The following ZNF846 variants were observed in gnomAD, a reference collection of about 807,000 sequenced individuals.
The protein encoded by ZNF846 is zinc finger protein 420 pseudogene.
ZNF846 carries 15 observed loss-of-function variants against 16.0 expected under a neutral mutation model. The observed-to-expected ratio is 0.94, with a 90% CI of 0.63 to 1.45. ZNF846 has a LOEUF of 1.45. Among genes scored for constraint, ZNF846 ranks in the 40% most tolerant of loss-of-function variants. ZNF846 has a pLI of 0.00. For missense variants in ZNF846, 714 were observed against 622.3 expected, an observed-to-expected ratio of 1.15 and a Z score of -1.57; for synonymous variants, 229 against 212.0, an observed-to-expected ratio of 1.08 and a Z score of -0.70.
At chr19:9,769,115 C>A (rs1463061180), upstream of ZNF846, among the ~76,000 whole-genome samples, 1 of 152,152 alleles carries the variant, frequency 6.6e-6, no homozygotes, top group Non-Finnish European at 1.5e-5. Context: ...GATAAGGCTC[C>A]GGTCTGTCGC....
At chr19:9,770,884 A>T (rs947064178), upstream of ZNF846, among the ~76,000 whole-genome samples, 1 of 152,156 alleles carries the variant, frequency 6.6e-6, no homozygotes, top group Non-Finnish European at 1.5e-5. Flanking sequence ...TAAAAAATAA[A>T]AAATAAATCC....
At chr19:9,768,363 T>A (rs2045351088) in exon 1 of ZNF846, 1 of 152,226 alleles carries the variant, frequency 6.6e-6, no homozygotes, top group South Asian at 2.1e-4. Flanking sequence ...GAGATGCTTT[T>A]CCTTCTGGAG....
downstream of ZNF846, among the ~76,000 whole-genome samples, chr19:9,753,325 C>T (rs2045103765): frequency 6.6e-6 from 1 of 150,864 alleles, no homozygotes; most frequent in African/African-American, 2.5e-5. Context: ...GATCTTGGCT[C>T]ACTGCAAGCT....
At chr19:9,764,871 A>G in intron 2 of ZNF846, 65 bp downstream of exon 2, 2 of 1,581,644 alleles carry the variant, frequency 1.3e-6, no homozygotes, top group Non-Finnish European at 1.7e-6. Flanking sequence ...ACACGATAAC[A>G]AGGTAAGGCT....
chr19:9,758,325 TCTCCA>T lies in ZNF846; in HGVS notation c.747_751del (p.Ser249ArgfsTer7). The T allele has an allele frequency of 6.2e-7, 1 of 1,613,610 alleles. No homozygotes were observed. The highest frequency in any genetic ancestry group is 2.2e-5 in the East Asian group (1 of 44,854). On this transcript the variant is annotated frameshift_variant, in exon 6 of 6. Coordinates refer to ENST00000397902, the Ensembl canonical transcript of ZNF846. LOFTEE classifies it low-confidence loss of function (END_TRUNC). The stretch of plus-strand genomic sequence containing the variant: ...ACATTCTTTACAGACATAGGGCTTC[TCTCCA>T]CTGTGAATTCTTCCATGTCCTATAA...
chr19:9,752,366 G>C, exon 6 of ZNF846: 1 of 291,812 alleles, frequency 3.4e-6, no homozygotes, highest in South Asian at 2.8e-5. Flanking sequence ...CCAGCACTTT[G>C]GGAGGCCAAG....
chr19:9,767,462 T>A (rs1271994846), intron 1 of ZNF846, among the ~76,000 whole-genome samples: 3 of 152,012 alleles, frequency 2.0e-5, no homozygotes, highest in Non-Finnish European at 4.4e-5. Flanking sequence ...ACACAAGAGA[T>A]GCAAAGAAAC....
chr19:9,751,380 A>G (rs1322579394), downstream of ZNF846, among the ~76,000 whole-genome samples: 1 of 152,048 alleles, frequency 6.6e-6, no homozygotes. Flanking sequence ...TTCTTATTTT[A>G]TTTATTATTT....
At position 9,783,544 on chromosome 19, in the gene ZNF846, A is replaced by AATATATATATATAT. The variant is rs1555714919; in HGVS notation, c.-86+2380_-86+2393dup. 2.3e-4 allele frequency among the ~76,000 whole-genome samples: 25 copies of AATATATATATATAT among 108,774 alleles called. 1 individual carries two copies. The highest frequency in any genetic ancestry group is 4.2e-4 in the Admixed American group (4 of 9,524). The allele number at this position is 108,774 out of a possible 152,430, so 71.4% of individuals were successfully genotyped here. On this transcript the variant is annotated intron_variant, in intron 1 of 4. Coordinates refer to the ZNF846 transcript ENST00000586814. ...TCATCACTAAAAAAAAAAAAAAAAAAATATATATATATATATATATATTCT... is the reference window on the plus strand; with the variant it reads ...TCATCACTAAAAAAAAAAAAAAAAAAATATATATATATATATATATATATATATATATATATTCT...
exon 6 of ZNF846, chr19:9,758,207 G>A: frequency 6.2e-7 from 1 of 1,613,006 alleles, no homozygotes. Context: ...AATGGGTGAA[G>A]GCTTTCCCAC....
At chr19:9,753,230 T>TTATA (rs1272045143), downstream of ZNF846, among the ~76,000 whole-genome samples, 6 of 112,478 alleles carry the variant, frequency 5.3e-5, no homozygotes, top group South Asian at 1.2e-3. Context: ...ATTTATTTAT[T>TTATA]TATTTATTTA....
chr19:9,754,604 A>T (rs1006496942), downstream of ZNF846, among the ~76,000 whole-genome samples: 2 of 149,428 alleles, frequency 1.3e-5, no homozygotes, highest in African/African-American at 5.0e-5. Context: ...GGCAACATAC[A>T]GTTGGATTGT....
chr19:9,765,030 A>C lies in ZNF846; in HGVS notation c.-80T>G, dbSNP rs1016385779. The C allele has an allele frequency of 2.0e-6, 3 of 1,529,078 alleles. No homozygotes were observed. 94.7% of individuals were successfully genotyped at this position (1,529,078 alleles called of 1,614,324 possible). ...TGAAGACAGAAAGTGTCCTGGAAAA[A>C]ATGACCTTTGGAAAAGAATAATGGC... On this transcript the variant is annotated 5_prime_UTR_variant, in exon 2 of 6. It adds an upstream start codon to the 5' untranslated region. Transcript: ENST00000397902.
At chr19:9,758,319 G>T (rs2045166679) in exon 6 of ZNF846, 3 of 1,612,008 alleles carry the variant, frequency 1.9e-6, no homozygotes, top group Admixed American at 1.7e-5. Context: ...ACAGACATAG[G>T]GCTTCTCTCC....
At chr19:9,756,896 T>C (rs1052076746), downstream of ZNF846, 1 of 145,682 alleles carries the variant, frequency 6.9e-6, no homozygotes. Flanking sequence ...TAATTTTTGT[T>C]ATGAAAAATA....
rs188097997 is a variant in ZNF846 at position 9,758,242 on chromosome 19, C to T, written c.835G>A (p.Glu279Lys). The T allele has an allele frequency of 5.5e-4, 892 of 1,613,342 alleles. 47 individuals carry two copies. In the African/African-American group the frequency reaches 0.011, roughly 20 times the overall value. ...CACTCTTTACATTTATATGGTTTTT[C>T]TCCACTGTGAGTTCTGATGTGTAAT... Residue 279 changes from glutamate to lysine, a missense_variant, in exon 6 of 6, where the codon GAA becomes AAA. Transcript: ENST00000397902.
chr19:9,779,161 A>C (rs1394017865), intron 1 of ZNF846, among the ~76,000 whole-genome samples: 1 of 152,150 alleles, frequency 6.6e-6, no homozygotes, highest in African/African-American at 2.4e-5. Flanking sequence ...AGACGATTTA[A>C]CTCTGACATT....
At chr19:9,752,617 A>C (rs1362030899), downstream of ZNF846, among the ~76,000 whole-genome samples, 3 of 82,288 alleles carry the variant, frequency 3.6e-5, no homozygotes, top group South Asian at 6.3e-4. Flanking sequence ...TTCATCCCAA[A>C]AAAAAAAAAA....
At chr19:9,778,195 A>AT (rs1427445770) in intron 1 of ZNF846, among the ~76,000 whole-genome samples, 2 of 152,218 alleles carry the variant, frequency 1.3e-5, no homozygotes, top group African/African-American at 4.8e-5. Context: ...ACTCAAGAAA[A>AT]TGATGTATGA....
Sources: gnomAD v4.1 joint callset for allele counts (sites outside exome capture counted in the v4.1 genomes callset) on GRCh38, gnomAD v4.1.1 for gene constraint, MANE v1.5 for transcripts, NCBI Gene and HGNC (gene_info 2026-07-23, HGNC 2026-07-21) for gene names.